Variants in NUP93 observed in about 807,000 individuals in gnomAD.
NUP93 encodes the protein nucleoporin 93.
Under a neutral mutation model 107.8 loss-of-function variants are expected in NUP93, and 55 were observed. The ratio of observed to expected loss-of-function variants is 0.51; its 90% CI spans 0.41 to 0.64. The LOEUF (loss-of-function observed/expected upper bound fraction) is 0.64. NUP93 is among the 30% of genes least tolerant of loss of function. The pLI is 0.00. For synonymous variants in NUP93, 390 were observed against 397.5 expected (o/e 0.98, Z 0.22); for missense variants, 937 against 1,044.7 (o/e 0.90, Z 1.42).
chr16:56,781,896 A>G (rs1962522065), intron 3 of NUP93: 2 of 985,190 alleles, frequency 2.0e-6, no homozygotes, highest in Admixed American at 1.2e-4. Flanking sequence ...GCGCACAACG[A>G]ATGGTGATGC....
intron 2 of NUP93, among the ~76,000 whole-genome samples, chr16:56,751,049 G>A (rs555060918): frequency 6.6e-6 from 1 of 152,158 alleles, no homozygotes; most frequent in Non-Finnish European, 1.5e-5. Context: ...TCGGGAGGCT[G>A]AGGTAGGAGG....
intron 3 of NUP93, among the ~76,000 whole-genome samples, chr16:56,770,790 G>A (rs147384433): frequency 1.5e-4 from 23 of 152,194 alleles, no homozygotes; most frequent in Non-Finnish European, 2.5e-4. Context: ...TAGGCCGGGC[G>A]CAGTAGCTCA....
rs955229213 is a variant in NUP93 at position 56,806,553 on chromosome 16, C to T, written c.489+921C>T. Among the ~76,000 whole-genome samples the T allele has an allele frequency of 5.3e-5, 8 of 152,232 alleles. No homozygotes were observed. The East Asian group carries it at 5.8e-4, about 11-fold the overall frequency. On this transcript the variant is annotated intron_variant, in intron 5 of 21. Transcript: ENST00000308159. The stretch of plus-strand genomic sequence containing the variant: ...AGGCTGCACTCATTTCAAGGCTAGA[C>T]GCAAGGAGCATCTACTCACAAGGTC...
chr16:56,834,001 T>C lies in NUP93; in HGVS notation c.1538-127T>C. On this transcript the variant is annotated intron_variant, in intron 13 of 21. Coordinates refer to ENST00000308159, the MANE Select transcript of NUP93 (RefSeq NM_014669.5). Reference sequence around the variant, plus strand: ...AAAAGGGACTGGCCAAAGCTTATATTAGCAAACTTTGACTGGGCTGCAGGA... The same window carrying C: ...AAAAGGGACTGGCCAAAGCTTATATCAGCAAACTTTGACTGGGCTGCAGGA... 2.2e-6 allele frequency: 3 copies of C among 1,342,788 alleles called. No individual in the cohort carries two copies. The South Asian group carries it at 3.9e-5, about 18-fold the overall frequency. The allele number at this position is 1,342,788 out of a possible 1,614,324, so 83.2% of individuals were successfully genotyped here. A position where few individuals can be genotyped will look rare whatever the true frequency, so the allele number is the denominator to read the frequency against.
Position 56,836,621 on chromosome 16 carries a change from T to C in NUP93, c.1803T>C (p.Phe601=). 1 of 1,613,026 alleles carries C rather than the reference T, an allele frequency of 6.2e-7. No individual in the cohort carries two copies. Among genetic ancestry groups the C allele is most frequent in the Non-Finnish European group, 8.5e-7 (1 of 1,179,048 alleles). ...GSRKPGVIDK[F]TSDTKPIINK... is the part of the protein sequence containing the mutation. ...GTCAGCCTGGAGTCATAGATAAGTT[T>C]ACTAGTGACACAAAGCCTATTATCA... is the stretch of plus-strand genomic sequence containing the variant. Residue 601 remains phenylalanine, a synonymous_variant, in exon 17 of 22, where the codon TTT becomes TTC. Coordinates refer to ENST00000308159, the MANE Select transcript of NUP93 (RefSeq NM_014669.5).
rs1964154606 is a variant in NUP93 at position 56,849,660 on chromosome 16, A to T, written c.*5051A>T. The T allele has an allele frequency of 6.6e-6, 1 of 152,194 alleles. No individual in the cohort carries two copies. Among genetic ancestry groups the T allele is most frequent in the South Asian group, 2.1e-4 (1 of 4,828 alleles). 9.4% of individuals were successfully genotyped at this position (152,194 alleles called of 1,614,324 possible). A position where few individuals can be genotyped will look rare whatever the true frequency, so the allele number is the denominator to read the frequency against. Reference sequence around the variant, plus strand: ...AAATAAAAATATAGGACACTCAATTAAGTTTGCATTTTGGATAAACAGTGA... The same window carrying T: ...AAATAAAAATATAGGACACTCAATTTAGTTTGCATTTTGGATAAACAGTGA... On this transcript the variant is annotated 3_prime_UTR_variant, in exon 22 of 22. Coordinates refer to ENST00000308159, the MANE Select transcript of NUP93 (RefSeq NM_014669.5).
intron 2 of NUP93, among the ~76,000 whole-genome samples, chr16:56,749,650 G>A (rs1452869960): frequency 6.6e-6 from 1 of 152,198 alleles, no homozygotes; most frequent in Non-Finnish European, 1.5e-5. Flanking sequence ...TGTCACAGGA[G>A]TATTATGTAG....
intron 1 of NUP93, 79 bp from the exon 2 acceptor site, chr16:56,748,155 A>T: frequency 1.0e-6 from 1 of 984,206 alleles, no homozygotes; most frequent in Non-Finnish European, 1.5e-6. Flanking sequence ...CTGTTTTGTT[A>T]AGCTTGTAAC....
At chr16:56,785,211 A>C (rs1052507721) in intron 3 of NUP93, among the ~76,000 whole-genome samples, 1 of 152,328 alleles carries the variant, frequency 6.6e-6, no homozygotes, top group Non-Finnish European at 1.5e-5. Flanking sequence ...GTTGGATGAC[A>C]TGGGGGGTAT....
intron 7 of NUP93, among the ~76,000 whole-genome samples, chr16:56,821,975 G>A (rs1340172449): frequency 1.3e-5 from 2 of 150,492 alleles, no homozygotes; most frequent in East Asian, 3.9e-4. Context: ...ACTTGACTCG[G>A]TGGGGCCTTT....
intron 20 of NUP93, among the ~76,000 whole-genome samples, chr16:56,841,462 G>C (rs1964023816): frequency 1.3e-5 from 2 of 152,210 alleles, no homozygotes; most frequent in African/African-American, 4.8e-5. Context: ...CTGACTAAGG[G>C]AAAAACAGCA....
intron 1 of NUP93, chr16:56,741,810 A>C (rs1172775694): frequency 6.6e-6 from 1 of 152,180 alleles, no homozygotes; most frequent in Non-Finnish European, 1.5e-5. Flanking sequence ...GAAAGAGACA[A>C]TATTTGGGTA....
intron 8 of NUP93, among the ~76,000 whole-genome samples, chr16:56,827,990 C>T (rs1293978532): frequency 6.6e-6 from 1 of 152,028 alleles, no homozygotes; most frequent in African/African-American, 2.4e-5. Context: ...CGTGGTGGCC[C>T]ACGCCTGTAA....
chr16:56,805,457 TTTTG>T, intron 4 of NUP93, 43 bp from the exon 5 acceptor site: 1 of 1,605,502 alleles, frequency 6.2e-7, no homozygotes, highest in Non-Finnish European at 8.5e-7. Context: ...ACCATGTTTT[TTTTG>T]TTTTTTTCCT....
intron 3 of NUP93, among the ~76,000 whole-genome samples, chr16:56,768,662 C>T (rs373673648): frequency 1.9e-4 from 28 of 150,990 alleles, no homozygotes; most frequent in Non-Finnish European, 3.5e-4. Context: ...GTCAGGAGAT[C>T]GAGACCATCC....
intron 9 of NUP93, 51 bp downstream of exon 9, chr16:56,829,160 C>G: frequency 6.4e-7 from 1 of 1,573,438 alleles, no homozygotes; most frequent in African/African-American, 1.4e-5. Flanking sequence ...AGCAGTTGCC[C>G]TCAGATGGGC....
At position 56,833,234 on chromosome 16, in the gene NUP93, G is replaced by A; in HGVS notation, c.1365G>A (p.Val455=). The A allele has an allele frequency of 6.3e-7, 1 of 1,597,482 alleles. No homozygotes were observed. Residue 455 remains valine, a synonymous_variant, in exon 13 of 22, where the codon GTG becomes GTA. Coordinates refer to ENST00000308159, the MANE Select transcript of NUP93 (RefSeq NM_014669.5). Reference sequence around the variant, plus strand: ...TCCCAGGCGAGTCCCACTTTACGGTGAACCAGCAACCCTTCCTCTACTTCC... The same window carrying A: ...TCCCAGGCGAGTCCCACTTTACGGTAAACCAGCAACCCTTCCTCTACTTCC... ...LEDYGESHFT[V]NQQPFLYFQV...
At chr16:56,789,506 T>C (rs764453699) in intron 3 of NUP93, among the ~76,000 whole-genome samples, 2 of 152,240 alleles carry the variant, frequency 1.3e-5, no homozygotes, top group Admixed American at 6.5e-5. Flanking sequence ...TGCCATGTTA[T>C]ATCGCCAAGG....
intron 20 of NUP93, among the ~76,000 whole-genome samples, chr16:56,841,367 T>G (rs113892172): frequency 6.6e-6 from 1 of 152,106 alleles, no homozygotes; most frequent in African/African-American, 2.4e-5. Flanking sequence ...GACATTCAAG[T>G]TCAAATTATT....
Sources: allele counts gnomAD v4.1 joint callset (sites outside exome capture counted in the v4.1 genomes callset), GRCh38; gene constraint gnomAD v4.1.1; transcripts MANE v1.5; gene names NCBI Gene and HGNC (gene_info 2026-07-23, HGNC 2026-07-21).